The following CMYA5 variants were observed in gnomAD, a reference collection of about 807,000 sequenced individuals.
CMYA5 encodes the protein cardiomyopathy-associated protein 5.
Under a neutral mutation model 318.9 loss-of-function variants are expected in CMYA5, and 246 were observed. That is an observed-to-expected ratio of 0.77 (90% confidence interval 0.70 to 0.86). The LOEUF (loss-of-function observed/expected upper bound fraction) is 0.86. Ranked by LOEUF, CMYA5 falls within the 40% of genes least tolerant of loss-of-function variation. The pLI is 0.00. For missense variants in CMYA5, 4,589 were observed against 4,678.2 expected (o/e 0.98, Z 0.56); for synonymous variants, 1,641 against 1,729.5 (o/e 0.95, Z 1.27).
intron 9 of CMYA5, among the ~76,000 whole-genome samples, chr5:79,766,623 G>A (rs1374275526): frequency 6.6e-6 from 1 of 152,208 alleles, no homozygotes; most frequent in Non-Finnish European, 1.5e-5. Flanking sequence ...ATTTGCATAT[G>A]TTGAACCAGC....
intron 1 of CMYA5, among the ~76,000 whole-genome samples, chr5:79,712,298 T>C (rs2055430): frequency 0.48 from 73,700 of 151,964 alleles, 18,959 homozygotes; most frequent in African/African-American, 0.68. Context: ...ACCGCAACCT[T>C]AGTCTCCCAG....
chr5:79,731,329 C>T lies in CMYA5; in HGVS notation c.2564C>T (p.Ser855Phe), dbSNP rs1827893346. ...GATTTGGTTGTTGCATCTGAACACT[C>T]TTTCCCACCACACACAACCGAGATG... The part of the protein sequence containing the change: ...SPDLVVASEH[S>F]FPPHTTEMTS... The change falls in exon 2 of 13, where the codon TCT (serine) becomes TTT (phenylalanine). Residue 855 changes from serine to phenylalanine, a missense_variant. Ser to Phe is a radical substitution (Grantham distance 155). Transcript: ENST00000446378. 1 of 1,613,888 alleles carries T rather than the reference C, an allele frequency of 6.2e-7. No homozygotes were observed. Among genetic ancestry groups the T allele is most frequent in the Admixed American group, 1.7e-5 (1 of 59,990 alleles).
chr5:79,778,811 C>CTGTGTGTGTGTGTGTGTGTTTGTG (rs1554037556), intron 9 of CMYA5, among the ~76,000 whole-genome samples: 1 of 85,020 alleles, frequency 1.2e-5, no homozygotes, highest in Non-Finnish European at 2.1e-5. Context: ...CTCTCTCTTT[C>CTGTGTGTGTGTGTGTGTGTTTGTG]TGTGTGTGTG....
chr5:79,742,927 G>A (rs960003786), intron 2 of CMYA5, among the ~76,000 whole-genome samples: 23 of 152,302 alleles, frequency 1.5e-4, no homozygotes, highest in Admixed American at 1.4e-3. Context: ...CTTTAAATGA[G>A]ATAGAGCTCT....
intron 1 of CMYA5, among the ~76,000 whole-genome samples, chr5:79,694,145 G>A (rs987796884): frequency 2.0e-5 from 3 of 152,158 alleles, no homozygotes; most frequent in Non-Finnish European, 2.9e-5. Flanking sequence ...ATCATGTAGG[G>A]CTTTGTAGCC....
At chr5:79,723,148 G>A (rs1378366115) in intron 1 of CMYA5, among the ~76,000 whole-genome samples, 1 of 152,040 alleles carries the variant, frequency 6.6e-6, no homozygotes, top group Admixed American at 6.6e-5. Context: ...TATAGAAAAG[G>A]AAATTACATA....
rs868186785 is a variant in CMYA5, at chr5:79,759,408, C to A, written c.11260+506C>A. Among the ~76,000 whole-genome samples, 1,147 of 152,318 alleles carry A rather than the reference C, an allele frequency of 7.5e-3. 17 individuals carry two copies. The highest frequency in any genetic ancestry group is 0.026 in the African/African-American group (1,072 of 41,578). Reference sequence around the variant, plus strand: ...GTCTGTCTTTGCTAAAAGCCACCAACAAGCCACAAGATTCATTCAGTGTTC... The same window carrying A: ...GTCTGTCTTTGCTAAAAGCCACCAAAAAGCCACAAGATTCATTCAGTGTTC... On this transcript the variant is annotated intron_variant, in intron 7 of 12. Coordinates refer to ENST00000446378, the MANE Select transcript of CMYA5 (RefSeq NM_153610.5).
At chr5:79,719,869 G>A (rs571560684) in intron 1 of CMYA5, among the ~76,000 whole-genome samples, 2 of 152,210 alleles carry the variant, frequency 1.3e-5, no homozygotes, top group East Asian at 3.9e-4. Flanking sequence ...GGAAATAAAA[G>A]ACAAAATGGA....
Position 79,737,583 on chromosome 5 carries a change from C to G in CMYA5, c.8818C>G (p.Gln2940Glu). The G allele has an allele frequency of 6.2e-7, 1 of 1,613,678 alleles. No homozygotes were observed. Among genetic ancestry groups the G allele is most frequent in the Non-Finnish European group, 8.5e-7 (1 of 1,179,784 alleles). ...TSKPAGLSED[Q>E]KTAFSIISEG... Reference sequence around the variant, plus strand: ...TAAGCCAGCCGGACTTTCAGAAGATCAGAAGACTGCCTTTAGTATCATTTC... The same window carrying G: ...TAAGCCAGCCGGACTTTCAGAAGATGAGAAGACTGCCTTTAGTATCATTTC... Residue 2940 changes from glutamine (Q) to glutamate (E), a missense_variant, in exon 2 of 13, where the codon CAG (glutamine) becomes GAG (glutamate). Physicochemically the swap from Gln to Glu is conservative, Grantham distance 29 (BLOSUM62 2). This residue lies in a region of CMYA5 where 2,431 missense variants were observed against 2,495.1 expected (regional missense o/e 0.97). Transcript: ENST00000446378.
chr5:79,760,970 C>A (rs1828639804), intron 7 of CMYA5, among the ~76,000 whole-genome samples: 2 of 152,142 alleles, frequency 1.3e-5, no homozygotes, highest in South Asian at 4.2e-4. Context: ...AAGAAACAGT[C>A]TGGGTTCTTA....
At chr5:79,714,431 C>CTTTTTTT (rs71615553) in intron 1 of CMYA5, among the ~76,000 whole-genome samples, 58 of 100,666 alleles carry the variant, frequency 5.8e-4, no homozygotes, top group Non-Finnish European at 7.6e-4. Context: ...TTTTCTTTTT[C>CTTTTTTT]TTTTTTTTTT....
At chr5:79,742,311 T>G (rs1443535843) in intron 2 of CMYA5, among the ~76,000 whole-genome samples, 1 of 151,946 alleles carries the variant, frequency 6.6e-6, no homozygotes, top group Admixed American at 6.6e-5. Context: ...CTCAGCCTCC[T>G]GACTAGCTGG....
rs761990371 is a variant in CMYA5 at position 79,736,295 on chromosome 5, C to A, written c.7530C>A (p.Ala2510=). The part of the protein sequence containing the change: ...SRSTELKESK[A]DAMPQHFYQN... ...CTACTGAACTGAAAGAATCAAAAGC[C>A]GATGCTATGCCACAGCACTTCTATC... Residue 2510 remains alanine (A), a synonymous_variant, in exon 2 of 13, where the codon GCC becomes GCA. Transcript: ENST00000446378. The A allele has an allele frequency of 6.2e-7, 1 of 1,613,138 alleles. No homozygotes were observed. Among genetic ancestry groups the A allele is most frequent in the South Asian group, 1.1e-5 (1 of 90,956 alleles).
chr5:79,710,312 A>G (rs1827365729), intron 1 of CMYA5, among the ~76,000 whole-genome samples: 1 of 152,202 alleles, frequency 6.6e-6, no homozygotes, highest in Non-Finnish European at 1.5e-5. Flanking sequence ...ATTAATAAAA[A>G]TTTTAAAAGT....
chr5:79,746,061 G>A (rs925083061), intron 4 of CMYA5, among the ~76,000 whole-genome samples: 2 of 152,210 alleles, frequency 1.3e-5, no homozygotes, highest in Non-Finnish European at 2.9e-5. Flanking sequence ...TGCACCAGCA[G>A]AGACACCTCT....
At chr5:79,704,106 T>C in intron 1 of CMYA5, among the ~76,000 whole-genome samples, 1 of 151,162 alleles carries the variant, frequency 6.6e-6, no homozygotes, top group East Asian at 1.9e-4. Flanking sequence ...AAATTCTAAA[T>C]GTACATCTGT....
Position 79,791,763 on chromosome 5 carries a change from T to C in CMYA5, c.11789+694T>C, listed in dbSNP as rs1426217615. 2.0e-5 allele frequency among the ~76,000 whole-genome samples: 3 copies of C among 149,950 alleles called. No individual in the cohort carries two copies. The East Asian group carries it at 5.9e-4, about 29-fold the overall frequency. ...TAGAAGAGAAGGACAGTTTATTGAG[T>C]TCCTAGTTTCTGGCCACAGAATCTT... On this transcript the variant is annotated intron_variant, in intron 11 of 12. Coordinates refer to ENST00000446378, the MANE Select transcript of CMYA5 (RefSeq NM_153610.5).
At chr5:79,705,610 G>T (rs756845044) in intron 1 of CMYA5, among the ~76,000 whole-genome samples, 1 of 152,040 alleles carries the variant, frequency 6.6e-6, no homozygotes, top group Non-Finnish European at 1.5e-5. Flanking sequence ...AAACTTGATT[G>T]AACAGAGCTA....
In CMYA5 at chr5:79,732,411, G is replaced by A; in HGVS notation, c.3646G>A (p.Ala1216Thr). ...KEEIVPDSQE[A>T]TAHVSQDQKM... The stretch of plus-strand genomic sequence containing the variant: ...AGAAATTGTGCCTGATTCTCAAGAA[G>A]CTACAGCACATGTATCACAGGATCA... Residue 1216 changes from alanine to threonine, a missense_variant, in exon 2 of 13, where the codon GCT becomes ACT. Coordinates refer to ENST00000446378, the MANE Select transcript of CMYA5 (RefSeq NM_153610.5). 6.2e-7 allele frequency: 1 copy of A among 1,613,754 alleles called. No individual in the cohort carries two copies. Among genetic ancestry groups the A allele is most frequent in the Non-Finnish European group, 8.5e-7 (1 of 1,179,814 alleles).
Sources: gnomAD v4.1 joint callset for allele counts (sites outside exome capture counted in the v4.1 genomes callset) on GRCh38, gnomAD v4.1.1 for gene constraint, gnomAD v4.1.1 regional missense constraint, MANE v1.5 for transcripts, NCBI Gene and HGNC (gene_info 2026-07-23, HGNC 2026-07-21) for gene names.